ADAMTS12: variants seen among roughly 807,000 people sequenced by gnomAD.
ADAMTS12 encodes the protein ADAM metallopeptidase with thrombospondin type 1 motif 12.
A neutral mutation model predicts 167.8 loss-of-function variants in ADAMTS12; 118 were observed. The observed-to-expected ratio is 0.70, with a 90% CI of 0.61 to 0.82. The LOEUF (loss-of-function observed/expected upper bound fraction) is 0.82, where lower values mean the gene tolerates loss of function less well. ADAMTS12 is among the 40% of genes least tolerant of loss of function. The pLI, the probability that ADAMTS12 is intolerant of heterozygous loss-of-function variation, is 0.00. For synonymous variants in ADAMTS12, 704 were observed against 716.9 expected (o/e 0.98, Z 0.29); for missense variants, 1,916 against 1,998.8 (o/e 0.96, Z 0.79).
chr5:33,889,818 G>A (rs1282617149), intron 1 of ADAMTS12, among the ~76,000 whole-genome samples: 1 of 152,106 alleles, frequency 6.6e-6, no homozygotes, highest in Non-Finnish European at 1.5e-5. Context: ...CGGGCATGGT[G>A]GCACACGTCT....
At chr5:33,724,942 C>T (rs988057064) in intron 3 of ADAMTS12, among the ~76,000 whole-genome samples, 2 of 152,192 alleles carry the variant, frequency 1.3e-5, no homozygotes, top group African/African-American at 4.8e-5. Flanking sequence ...TTTCCAATCT[C>T]AGCCATTTCC....
chr5:33,659,570 C>A (rs1421846507), intron 6 of ADAMTS12, among the ~76,000 whole-genome samples: 1 of 152,100 alleles, frequency 6.6e-6, no homozygotes, highest in Non-Finnish European at 1.5e-5. Context: ...TTATAGAGTG[C>A]CTCTGAAGTG....
chr5:33,858,311 C>T (rs1749481781), intron 2 of ADAMTS12, among the ~76,000 whole-genome samples: 1 of 152,132 alleles, frequency 6.6e-6, no homozygotes, highest in South Asian at 2.1e-4. Flanking sequence ...AACTGTAAGA[C>T]ACAGAAAAAG....
chr5:33,570,957 T>A (rs1245109252), intron 19 of ADAMTS12, among the ~76,000 whole-genome samples: 4 of 151,242 alleles, frequency 2.6e-5, no homozygotes, highest in African/African-American at 9.7e-5. Flanking sequence ...TAGTCTCTGA[T>A]AAAACAGACT....
At chr5:33,772,322 A>C (rs568057021) in intron 2 of ADAMTS12, among the ~76,000 whole-genome samples, 2 of 152,318 alleles carry the variant, frequency 1.3e-5, no homozygotes, top group Admixed American at 6.5e-5. Context: ...TGCTCACAGC[A>C]GACACTGCCA....
chr5:33,769,002 A>G (rs1374758452), intron 2 of ADAMTS12, among the ~76,000 whole-genome samples: 3 of 152,082 alleles, frequency 2.0e-5, no homozygotes, highest in African/African-American at 7.2e-5. Flanking sequence ...GATAATCCTT[A>G]CCTTCAGATA....
chr5:33,637,138 A>G (rs35529483), intron 12 of ADAMTS12, among the ~76,000 whole-genome samples: 82,129 of 151,986 alleles, frequency 0.54, 23,382 homozygotes, highest in Non-Finnish European at 0.62. Flanking sequence ...ATGAAAGCAT[A>G]AGTAGTCTTA....
chr5:33,541,572 G>C (rs915326947), intron 22 of ADAMTS12, among the ~76,000 whole-genome samples: 2 of 152,154 alleles, frequency 1.3e-5, no homozygotes, highest in African/African-American at 4.8e-5. Context: ...AAATGTTAAG[G>C]GGAGCCAGAG....
intron 19 of ADAMTS12, among the ~76,000 whole-genome samples, chr5:33,562,100 GGGGACCTTGCTA>G (rs1745776280): frequency 6.6e-6 from 1 of 152,126 alleles, no homozygotes; most frequent in Non-Finnish European, 1.5e-5. Context: ...TGAATCACCT[GGGGACCTTGCTA>G]AATGCAGATT....
At chr5:33,531,602 G>C (rs1044546092) in intron 23 of ADAMTS12, among the ~76,000 whole-genome samples, 1 of 152,210 alleles carries the variant, frequency 6.6e-6, no homozygotes, top group South Asian at 2.1e-4. Context: ...GTCTCTGAGA[G>C]AATGAATCTC....
At position 33,527,189 on chromosome 5, in the gene ADAMTS12, T is replaced by C. The variant is rs375373930; in HGVS notation, c.4784A>G (p.Ter1595=). Residue 1595 remains the stop codon, a stop_retained_variant, in exon 24 of 24, where the codon TAA becomes TGA. Coordinates refer to ENST00000504830, the MANE Select transcript of ADAMTS12 (RefSeq NM_030955.4). ...GTGGAAGCTGGCTTCCTTTTGGGCT[T>C]AGAGTTCTTTTGACTTTTGGAGCAA... is the stretch of plus-strand genomic sequence containing the variant. The part of the protein sequence containing the change: ...QRLLQKSKEL[*] 2.5e-6 allele frequency: 4 copies of C among 1,614,098 alleles called. No homozygotes were observed. The highest frequency in any genetic ancestry group is 3.4e-6 in the Non-Finnish European group (4 of 1,180,034).
intron 5 of ADAMTS12, among the ~76,000 whole-genome samples, chr5:33,677,784 G>GT (rs1741975387): frequency 6.6e-6 from 1 of 152,136 alleles, no homozygotes; most frequent in Non-Finnish European, 1.5e-5. Flanking sequence ...TCAGAACATG[G>GT]TTTTGTATAC....
At chr5:33,800,696 A>G (rs1000115311) in intron 2 of ADAMTS12, among the ~76,000 whole-genome samples, 1 of 152,130 alleles carries the variant, frequency 6.6e-6, no homozygotes, top group South Asian at 2.1e-4. Context: ...GGATACAATT[A>G]ATTGGTAGCC....
chr5:33,598,394 C>G (rs6892916), intron 16 of ADAMTS12, among the ~76,000 whole-genome samples: 3,255 of 152,110 alleles, frequency 0.021, 44 homozygotes, highest in African/African-American at 0.05. Context: ...TCTATTCCTG[C>G]TTAAATAAAA....
At chr5:33,719,935 G>A (rs534679883) in intron 3 of ADAMTS12, among the ~76,000 whole-genome samples, 1 of 152,196 alleles carries the variant, frequency 6.6e-6, no homozygotes, top group South Asian at 2.1e-4. Context: ...GCTAGGGGAG[G>A]GATTCAAAGC....
intron 23 of ADAMTS12, among the ~76,000 whole-genome samples, chr5:33,529,296 G>C (rs1460918896): frequency 1.3e-5 from 2 of 152,200 alleles, no homozygotes; most frequent in Admixed American, 6.5e-5. Flanking sequence ...CAGGGAACGA[G>C]AGTGGGTTGC....
intron 2 of ADAMTS12, among the ~76,000 whole-genome samples, chr5:33,758,298 A>T (rs142634096): frequency 4.4e-4 from 67 of 152,284 alleles, no homozygotes; most frequent in Non-Finnish European, 7.6e-4. Flanking sequence ...AAACTCAAAT[A>T]GGCAGAAAGG....
intron 20 of ADAMTS12, among the ~76,000 whole-genome samples, chr5:33,552,914 C>T (rs1444144095): frequency 3.3e-5 from 5 of 152,106 alleles, no homozygotes; most frequent in African/African-American, 1.2e-4. Context: ...ACAGAGTAAA[C>T]AGACAATCTA....
intron 2 of ADAMTS12, among the ~76,000 whole-genome samples, chr5:33,880,279 C>A (rs1361050529): frequency 6.6e-6 from 1 of 152,176 alleles, no homozygotes; most frequent in African/African-American, 2.4e-5. Context: ...CAGTGCCTGG[C>A]ATATTCGAAT....
Sources: allele counts gnomAD v4.1 joint callset (sites outside exome capture counted in the v4.1 genomes callset), GRCh38; gene constraint gnomAD v4.1.1; transcripts MANE v1.5; gene names NCBI Gene and HGNC (gene_info 2026-07-23, HGNC 2026-07-21).